LGR5: variants seen among roughly 807,000 people sequenced by gnomAD.
The protein encoded by LGR5 is leucine rich repeat containing G protein-coupled receptor 5.
Under a neutral mutation model 76.7 loss-of-function variants are expected in LGR5, and 54 were observed. The observed-to-expected ratio is 0.70, with a 90% CI of 0.57 to 0.88. The LOEUF (loss-of-function observed/expected upper bound fraction) is 0.88. Ranked by LOEUF, LGR5 falls within the 40% of genes least tolerant of loss-of-function variation. The pLI is 0.00. For synonymous variants in LGR5, 406 were observed against 421.9 expected (o/e 0.96, Z 0.46); for missense variants, 1,078 against 1,073.3 (o/e 1.00, Z -0.06).
chr12:71,542,541 A>G (rs1364779540), intron 4 of LGR5, among the ~76,000 whole-genome samples: 1 of 152,220 alleles, frequency 6.6e-6, no homozygotes, highest in African/African-American at 2.4e-5. Flanking sequence ...GAGAGAAAGG[A>G]GAACTTCATC....
chr12:71,459,095 A>G (rs749908135), intron 1 of LGR5, among the ~76,000 whole-genome samples: 2 of 152,112 alleles, frequency 1.3e-5, no homozygotes, highest in Non-Finnish European at 2.9e-5. Context: ...TGACCTAGTA[A>G]GACCAGTATG....
intron 2 of LGR5, among the ~76,000 whole-genome samples, chr12:71,517,584 C>G (rs890352942): frequency 6.6e-6 from 1 of 152,192 alleles, no homozygotes; most frequent in African/African-American, 2.4e-5. Context: ...GCAGTGAGAG[C>G]TGATAAACAC....
At chr12:71,441,685 G>A (rs1353252113) in intron 1 of LGR5, 2 of 152,164 alleles carry the variant, frequency 1.3e-5, no homozygotes, top group Non-Finnish European at 2.9e-5. Flanking sequence ...ATTGGTAGAT[G>A]GCAGGTCGCC....
rs1420762063 is a variant in LGR5 at position 71,511,460 on chromosome 12, A to G, written c.284+6775A>G. 2.0e-5 allele frequency among the ~76,000 whole-genome samples: 3 copies of G among 152,170 alleles called. No individual in the cohort carries two copies. In the East Asian group the frequency reaches 5.8e-4, roughly 29 times the overall value. ...TCCAGGTGATTCTGATGCATGGTAA[A>G]GCTTGAGGACCACTACTCTAGGCTA... On this transcript the variant is annotated intron_variant, in intron 2 of 17. Transcript: ENST00000266674.
chr12:71,455,798 CAAA>C (rs1157124233), intron 1 of LGR5, among the ~76,000 whole-genome samples: 4 of 151,878 alleles, frequency 2.6e-5, no homozygotes, highest in Non-Finnish European at 5.9e-5. Context: ...TCAATATACA[CAAA>C]AAATTATACA....
intron 4 of LGR5, among the ~76,000 whole-genome samples, chr12:71,537,534 C>T (rs938068562): frequency 9.9e-5 from 15 of 152,006 alleles, no homozygotes; most frequent in African/African-American, 3.6e-4. Context: ...GAACCACCAA[C>T]TCTGCAGATA....
chr12:71,538,817 C>T (rs1876732457), intron 4 of LGR5, among the ~76,000 whole-genome samples: 1 of 151,976 alleles, frequency 6.6e-6, no homozygotes, highest in Admixed American at 6.6e-5. Flanking sequence ...ATGATCCTGC[C>T]ACTGCACTCC....
intron 1 of LGR5, among the ~76,000 whole-genome samples, chr12:71,498,556 T>C (rs35487448): frequency 0.11 from 17,289 of 152,178 alleles, 1,113 homozygotes; most frequent in African/African-American, 0.17. Context: ...TGGCAGACAG[T>C]GGAGCCCTCT....
In LGR5 at chr12:71,453,103, C is replaced by T. The variant is rs142269203; in HGVS notation, c.212+12811C>T. On this transcript the variant is annotated intron_variant, in intron 1 of 17. Coordinates refer to ENST00000266674, the MANE Select transcript of LGR5 (RefSeq NM_003667.4). ...CTTAATGTTAAAAACAAGAAAAGAA[C>T]GAAAAGAACAGCAGAAAGGCACCTA... Among the ~76,000 whole-genome samples the T allele has an allele frequency of 2.2e-3, 334 of 151,990 alleles. 3 individuals are homozygous for T. The highest frequency in any genetic ancestry group is 6.8e-3 in the African/African-American group (284 of 41,486).
chr12:71,537,753 T>G (rs1876674191), intron 4 of LGR5, among the ~76,000 whole-genome samples: 1 of 152,192 alleles, frequency 6.6e-6, no homozygotes, highest in African/African-American at 2.4e-5. Context: ...TTATCCATTC[T>G]CCATTCATTT....
At chr12:71,569,647 G>C (rs1024945626) in intron 11 of LGR5, among the ~76,000 whole-genome samples, 11 of 152,184 alleles carry the variant, frequency 7.2e-5, no homozygotes, top group African/African-American at 2.7e-4. Context: ...TTATTAAAAA[G>C]TCAAGAAACA....
chr12:71,473,642 T>A (rs886163740), intron 1 of LGR5, among the ~76,000 whole-genome samples: 26 of 151,218 alleles, frequency 1.7e-4, no homozygotes, highest in Non-Finnish European at 7.4e-5. Context: ...TAAATAAATA[T>A]AAATATAAAA....
chr12:71,515,870 T>G (rs1375082848), intron 2 of LGR5, among the ~76,000 whole-genome samples: 1 of 152,218 alleles, frequency 6.6e-6, no homozygotes, highest in African/African-American at 2.4e-5. Flanking sequence ...TAAGTAGCAC[T>G]GCTATTACAT....
chr12:71,527,685 T>C (rs7299752), intron 3 of LGR5, among the ~76,000 whole-genome samples: 2 of 152,242 alleles, frequency 1.3e-5, no homozygotes, highest in Admixed American at 1.3e-4. Flanking sequence ...CCAAAGGCTC[T>C]ACCCAACACC....
At position 71,584,614 on chromosome 12, in the gene LGR5, G is replaced by C; in HGVS notation, c.2604G>C (p.Leu868Phe). Residue 868 changes from leucine (L) to phenylalanine (F), a missense_variant, in exon 18 of 18, where the codon TTG becomes TTC. Physicochemically the swap from Leu to Phe is conservative, Grantham distance 22. Coordinates refer to ENST00000266674, the MANE Select transcript of LGR5 (RefSeq NM_003667.4). ...AGTCCTGTGACTCAACTCAAGCCTT[G>C]GTAACCTTTACCAGCTCCAGCATCA... ...EKQSCDSTQA[L>F]VTFTSSSITY... 6.2e-7 allele frequency: 1 copy of C among 1,614,100 alleles called. No homozygotes were observed. Among genetic ancestry groups the C allele is most frequent in the Non-Finnish European group, 8.5e-7 (1 of 1,180,030 alleles).
chr12:71,486,554 G>T (rs1003294175), intron 1 of LGR5, among the ~76,000 whole-genome samples: 15 of 152,118 alleles, frequency 9.9e-5, no homozygotes, highest in Non-Finnish European at 2.1e-4. Context: ...GGATTTATTT[G>T]TTAATATTCT....
chr12:71,496,985 G>C (rs898244493), intron 1 of LGR5, among the ~76,000 whole-genome samples: 1 of 152,062 alleles, frequency 6.6e-6, no homozygotes, highest in Non-Finnish European at 1.5e-5. Flanking sequence ...TCTATTTCTT[G>C]ATTTGTGCTA....
chr12:71,512,728 AC>A (rs1875224390), intron 2 of LGR5, among the ~76,000 whole-genome samples: 1 of 151,972 alleles, frequency 6.6e-6, no homozygotes. Context: ...CTGGTGAAGG[AC>A]AAAAACAGGG....
chr12:71,559,189 C>A (rs1052495804), intron 6 of LGR5, among the ~76,000 whole-genome samples: 1 of 152,124 alleles, frequency 6.6e-6, no homozygotes, highest in Admixed American at 6.6e-5. Flanking sequence ...GGGATGTGAT[C>A]CAGGAGCCCT....
Sources: allele counts gnomAD v4.1 joint callset (sites outside exome capture counted in the v4.1 genomes callset), GRCh38; gene constraint gnomAD v4.1.1; transcripts MANE v1.5; gene names NCBI Gene and HGNC (gene_info 2026-07-23, HGNC 2026-07-21).